CSMD1: variants seen among roughly 807,000 people sequenced by gnomAD.
CSMD1 encodes the protein CUB and Sushi multiple domains 1, also known as CUB and sushi domain-containing protein 1.
Under a neutral mutation model 417.5 loss-of-function variants are expected in CSMD1, and 213 were observed. The observed-to-expected ratio is 0.51, with a 90% CI of 0.46 to 0.57. The LOEUF is 0.57. CSMD1 is among the 20% of genes least tolerant of loss of function. CSMD1 has a pLI of 0.00. For missense variants in CSMD1, 6,923 were observed against 4,529.7 expected (o/e 1.53, Z -15.17); for synonymous variants, 2,862 against 1,736.8 (o/e 1.65, Z -16.11).
intron 2 of CSMD1, among the ~76,000 whole-genome samples, chr8:4,523,746 T>C (rs1192493619): frequency 6.6e-6 from 1 of 152,126 alleles, no homozygotes; most frequent in East Asian, 1.9e-4. Flanking sequence ...AGGAAATAAA[T>C]AAAATAATGC....
intron 2 of CSMD1, among the ~76,000 whole-genome samples, chr8:4,517,470 A>G (rs1053126390): frequency 6.6e-6 from 1 of 152,240 alleles, no homozygotes; most frequent in African/African-American, 2.4e-5. Flanking sequence ...TCAGTTAGAC[A>G]CATAGATAAT....
At position 3,158,637 on chromosome 8, in the gene CSMD1, A is replaced by G. The variant is rs191691381; in HGVS notation, c.5845-671T>C. Reference sequence around the variant, plus strand: ...AAAAAATCTGTTCCAGTCTTTCTCAATGAAAAAAAAAACAAACAGTAGAGG... The same window carrying G: ...AAAAAATCTGTTCCAGTCTTTCTCAGTGAAAAAAAAAACAAACAGTAGAGG... On this transcript the variant is annotated intron_variant, in intron 38 of 69. Coordinates refer to ENST00000635120, the MANE Select transcript of CSMD1 (RefSeq NM_033225.6). Among the ~76,000 whole-genome samples, 685 of 150,300 alleles carry G rather than the reference A, an allele frequency of 4.6e-3. 16 individuals carry two copies. The South Asian group carries it at 0.049, about 11-fold the overall frequency.
At chr8:3,439,280 A>AGTGTGTGT (rs1254139859) in intron 12 of CSMD1, among the ~76,000 whole-genome samples, 1 of 42,950 alleles carries the variant, frequency 2.3e-5, no homozygotes, top group Non-Finnish European at 4.1e-5. Flanking sequence ...TGGCAATGTC[A>AGTGTGTGT]GTATATATAT....
rs76901429 is a variant in CSMD1 at position 3,725,395 on chromosome 8, T to G, written c.932-16904A>C. Among the ~76,000 whole-genome samples the G allele has an allele frequency of 3.3e-5, 5 of 152,260 alleles. No homozygotes were observed. The East Asian group carries it at 9.7e-4, about 29-fold the overall frequency. On this transcript the variant is annotated intron_variant, in intron 6 of 69. Transcript: ENST00000635120. ...CTGGATGACCAGGATAGACATCACT[T>G]GAACATTTTTATTTTTTAAAAGGAA... is the stretch of plus-strand genomic sequence containing the variant.
At chr8:3,741,372 G>T (rs1361069693) in intron 6 of CSMD1, among the ~76,000 whole-genome samples, 1 of 152,112 alleles carries the variant, frequency 6.6e-6, no homozygotes, top group Non-Finnish European at 1.5e-5. Context: ...GACCGAAGGG[G>T]AATGTATCAC....
At chr8:3,778,801 C>T (rs1196201831) in intron 5 of CSMD1, among the ~76,000 whole-genome samples, 3 of 152,202 alleles carry the variant, frequency 2.0e-5, no homozygotes, top group East Asian at 3.9e-4. Context: ...ATGCTCCGAA[C>T]ACTTTTCTCC....
At chr8:4,268,900 A>G (rs1242961679) in intron 3 of CSMD1, among the ~76,000 whole-genome samples, 1 of 152,200 alleles carries the variant, frequency 6.6e-6, no homozygotes, top group East Asian at 1.9e-4. Flanking sequence ...AATGCATCAT[A>G]TACTCATCAA....
At chr8:4,392,928 C>G (rs1288934740) in intron 3 of CSMD1, among the ~76,000 whole-genome samples, 1 of 151,960 alleles carries the variant, frequency 6.6e-6, no homozygotes, top group Non-Finnish European at 1.5e-5. Flanking sequence ...GAGATCCTGC[C>G]ACTGCACTCC....
At chr8:3,448,166 G>T (rs1484330203) in intron 12 of CSMD1, among the ~76,000 whole-genome samples, 1 of 150,626 alleles carries the variant, frequency 6.6e-6, no homozygotes, top group African/African-American at 2.4e-5. Flanking sequence ...TGAATTGGGG[G>T]AGTAGATAGT....
chr8:4,462,037 G>A (rs1171899482), intron 2 of CSMD1, among the ~76,000 whole-genome samples: 1 of 151,870 alleles, frequency 6.6e-6, no homozygotes. Context: ...ACCACGTCTG[G>A]CTGCTAATCT....
At chr8:4,645,650 A>G (rs1803475853) in intron 1 of CSMD1, among the ~76,000 whole-genome samples, 2 of 152,124 alleles carry the variant, frequency 1.3e-5, no homozygotes, top group Admixed American at 1.3e-4. Context: ...TGTCGAAGGT[A>G]GGAAGCAGGG....
At chr8:4,840,957 A>G (rs1328434464) in intron 1 of CSMD1, among the ~76,000 whole-genome samples, 1 of 152,218 alleles carries the variant, frequency 6.6e-6, no homozygotes, top group Non-Finnish European at 1.5e-5. Context: ...TTTAAAAAAC[A>G]AGTGCACTGG....
chr8:4,914,231 T>C (rs971698019), intron 1 of CSMD1, among the ~76,000 whole-genome samples: 1 of 152,126 alleles, frequency 6.6e-6, no homozygotes, highest in Non-Finnish European at 1.5e-5. Flanking sequence ...TACAAAGCTA[T>C]GGAATTATGC....
chr8:4,027,310 T>G (rs1049773829), intron 4 of CSMD1, among the ~76,000 whole-genome samples: 1 of 152,100 alleles, frequency 6.6e-6, no homozygotes, highest in South Asian at 2.1e-4. Flanking sequence ...GAGTAGAAAG[T>G]AGGATGATGG....
chr8:4,668,217 C>A (rs1022884739), intron 1 of CSMD1, among the ~76,000 whole-genome samples: 5 of 152,120 alleles, frequency 3.3e-5, no homozygotes, highest in Admixed American at 2.6e-4. Context: ...ATCCTTCCAA[C>A]TTTGATAATG....
chr8:3,326,020 T>C (rs1216668662), intron 23 of CSMD1, among the ~76,000 whole-genome samples: 1 of 152,170 alleles, frequency 6.6e-6, no homozygotes, highest in African/African-American at 2.4e-5. Flanking sequence ...ATGACCTCTG[T>C]AGGATTTGAG....
intron 5 of CSMD1, among the ~76,000 whole-genome samples, chr8:3,923,116 C>G (rs1412044862): frequency 6.6e-6 from 1 of 152,152 alleles, no homozygotes; most frequent in African/African-American, 2.4e-5. Context: ...TCATGCCAAA[C>G]AACTCATTAA....
chr8:4,527,856 G>A (rs1335202828), intron 2 of CSMD1, among the ~76,000 whole-genome samples: 1 of 152,174 alleles, frequency 6.6e-6, no homozygotes, highest in African/African-American at 2.4e-5. Context: ...TAAATGGAAT[G>A]ACGTCTTAGT....
At chr8:4,763,789 T>C (rs894084170) in intron 1 of CSMD1, among the ~76,000 whole-genome samples, 1 of 152,216 alleles carries the variant, frequency 6.6e-6, no homozygotes, top group Admixed American at 6.5e-5. Flanking sequence ...TGTTAACTTA[T>C]CTAAAAGACT....
Sources: gnomAD v4.1 joint callset for allele counts (sites outside exome capture counted in the v4.1 genomes callset) on GRCh38, gnomAD v4.1.1 for gene constraint, MANE v1.5 for transcripts, NCBI Gene and HGNC (gene_info 2026-07-23, HGNC 2026-07-21) for gene names.